TET2: variants seen among roughly 807,000 people sequenced by gnomAD.
TET2 encodes methylcytosine dioxygenase TET2.
In TET2, 299 loss-of-function variants were observed where a neutral mutation model predicts 142.9. The observed-to-expected ratio is 2.09, with a 90% confidence interval of 1.90 to 2.30. The LOEUF is 2.30. Ranked by LOEUF, TET2 falls within the 30% of genes most tolerant of loss-of-function variation. The pLI, the probability that TET2 is intolerant of heterozygous loss-of-function variation, is 0.00. For missense variants in TET2, 2,418 were observed against 2,378.0 expected (o/e 1.02, Z -0.35); for synonymous variants, 819 against 849.0 (o/e 0.96, Z 0.61).
At chr4:105,154,930 C>T (rs919324784) in intron 1 of TET2, among the ~76,000 whole-genome samples, 16 of 151,940 alleles carry the variant, frequency 1.1e-4, no homozygotes, top group East Asian at 3.9e-4. Flanking sequence ...GGGGCTGAGG[C>T]GGGAGGATGG....
intron 1 of TET2, among the ~76,000 whole-genome samples, chr4:105,187,433 T>C (rs1725522994): frequency 1.3e-5 from 2 of 152,162 alleles, no homozygotes; most frequent in Non-Finnish European, 2.9e-5. Flanking sequence ...AAATAGCCTA[T>C]TGACTCCAAC....
Position 105,236,535 on chromosome 4 carries a change from A to G in TET2, c.2593A>G (p.Met865Val), listed in dbSNP as rs763872760. 2.0e-5 allele frequency: 33 copies of G among 1,614,170 alleles called. No homozygotes were observed. The highest frequency in any genetic ancestry group is 2.6e-5 in the Non-Finnish European group (31 of 1,180,012). The change falls in exon 3 of 11, where the codon ATG becomes GTG. Residue 865 changes from methionine to valine, a missense_variant. Physicochemically the swap from Met to Val is conservative, Grantham distance 21. Coordinates refer to ENST00000380013, the MANE Select transcript of TET2 (RefSeq NM_001127208.3). Reference protein sequence around the residue: ...AGNKTQNLHHMQYFPNNVIPK... With the variant: ...AGNKTQNLHHVQYFPNNVIPK... ...AAACAAGACCCAAAACTTGCATCAC[A>G]TGCAATATTTTCCAAATAATGTGAT...
chr4:105,176,429 A>G (rs1015204252), intron 1 of TET2, among the ~76,000 whole-genome samples: 2 of 152,166 alleles, frequency 1.3e-5, no homozygotes, highest in Non-Finnish European at 2.9e-5. Flanking sequence ...CTAATAAATG[A>G]TTATTGTAAG....
At chr4:105,272,039 A>G (rs965783284) in intron 9 of TET2, among the ~76,000 whole-genome samples, 5 of 152,158 alleles carry the variant, frequency 3.3e-5, no homozygotes, top group African/African-American at 1.2e-4. Context: ...TACTTCAGTT[A>G]TCTTATGGAA....
At chr4:105,228,413 A>G (rs752984885) in intron 2 of TET2, among the ~76,000 whole-genome samples, 4 of 152,124 alleles carry the variant, frequency 2.6e-5, no homozygotes, top group Non-Finnish European at 5.9e-5. Flanking sequence ...ATTGTGTTTA[A>G]AACTCCATAT....
At chr4:105,173,630 G>A (rs773479879) in intron 1 of TET2, among the ~76,000 whole-genome samples, 2 of 152,110 alleles carry the variant, frequency 1.3e-5, no homozygotes, top group East Asian at 1.9e-4. Flanking sequence ...TTTTGAAAAT[G>A]ACATAATTTG....
chr4:105,240,910 G>T (rs1304134788), intron 3 of TET2: 3 of 1,080,812 alleles, frequency 2.8e-6, no homozygotes, highest in Non-Finnish European at 3.4e-6. Context: ...ATATTCTGGG[G>T]GTGGGATAGA....
intron 2 of TET2, among the ~76,000 whole-genome samples, chr4:105,196,540 C>T (rs1371931036): frequency 2.0e-5 from 3 of 152,188 alleles, no homozygotes; most frequent in African/African-American, 7.2e-5. Flanking sequence ...CCTGGTTACT[C>T]TTCAAATTCC....
chr4:105,189,901 A>T (rs948319367), intron 1 of TET2, among the ~76,000 whole-genome samples: 4 of 152,204 alleles, frequency 2.6e-5, no homozygotes, highest in African/African-American at 9.6e-5. Flanking sequence ...GCCACATCTC[A>T]TGAAGTACAG....
In TET2 at chr4:105,234,993, G is replaced by T. The variant is rs1728754347; in HGVS notation, c.1051G>T (p.Glu351Ter). The T allele has an allele frequency of 6.2e-7, 1 of 1,614,072 alleles. No homozygotes were observed. The highest frequency in any genetic ancestry group is 8.5e-7 in the Non-Finnish European group (1 of 1,179,998). ...QGTTKLASGE[E>*]FCSGSSSNLQ... is the part of the protein sequence containing the mutation. ...AACCACAAAGCTAGCGTCTGGTGAA[G>T]AATTCTGTTCAGGTTCCAGCAGCAA... The change falls in exon 3 of 11, where the codon GAA becomes TAA. Residue 351 changes from glutamate to a stop codon, truncating the protein, a stop_gained. Coordinates refer to ENST00000380013, the MANE Select transcript of TET2 (RefSeq NM_001127208.3). LOFTEE classifies it high-confidence loss of function.
chr4:105,209,231 C>CT (rs998873033), intron 2 of TET2, among the ~76,000 whole-genome samples: 8 of 151,108 alleles, frequency 5.3e-5, no homozygotes, highest in Non-Finnish European at 1.2e-4. Context: ...AAGTTTGAGT[C>CT]TGATTAATAA....
intron 2 of TET2, among the ~76,000 whole-genome samples, chr4:105,209,091 ATATATATG>A: frequency 8.7e-6 from 1 of 114,482 alleles, no homozygotes; most frequent in African/African-American, 3.8e-5. Flanking sequence ...ATATATATAT[ATATATATG>A]TTTGAGCGAG....
chr4:105,172,475 G>T (rs910984206), intron 1 of TET2: 1 of 152,168 alleles, frequency 6.6e-6, no homozygotes, highest in Admixed American at 6.5e-5. Context: ...TCTTCACCTT[G>T]AGTATGCTGA....
intron 2 of TET2, among the ~76,000 whole-genome samples, chr4:105,193,622 A>C (rs1016469663): frequency 1.3e-5 from 2 of 152,170 alleles, no homozygotes; most frequent in African/African-American, 4.8e-5. Context: ...AGGAAAAATC[A>C]TGAGGATTTA....
At chr4:105,240,112 A>C in intron 3 of TET2, 1 of 233,404 alleles carries the variant, frequency 4.3e-6, no homozygotes, top group Non-Finnish European at 9.2e-6. Context: ...CTGATCACAG[A>C]TCGCCATAAC....
At chr4:105,251,015 T>C (rs560630626) in intron 6 of TET2, among the ~76,000 whole-genome samples, 1 of 152,328 alleles carries the variant, frequency 6.6e-6, no homozygotes, top group South Asian at 2.1e-4. Flanking sequence ...TATGTATTTT[T>C]TTTATCCTAT....
intron 3 of TET2, chr4:105,239,084 T>TTTTTTTTTTG (rs1560550074): frequency 3.2e-4 from 72 of 221,634 alleles, no homozygotes; most frequent in Non-Finnish European, 3.9e-4. Flanking sequence ...GTTTTTTTTT[T>TTTTTTTTTTG]TTGTTTTTTA....
intron 1 of TET2, among the ~76,000 whole-genome samples, chr4:105,150,556 G>A (rs568091791): frequency 2.1e-4 from 32 of 152,310 alleles, no homozygotes; most frequent in African/African-American, 7.2e-4. Flanking sequence ...CTTAAGGATA[G>A]TAATGGTACC....
chr4:105,274,498 G>A (rs191222644), intron 10 of TET2, among the ~76,000 whole-genome samples: 3 of 151,704 alleles, frequency 2.0e-5, no homozygotes, highest in African/African-American at 7.3e-5. Context: ...TAATTATTTA[G>A]CAAATTCCAT....
Sources: gnomAD v4.1 joint callset for allele counts (sites outside exome capture counted in the v4.1 genomes callset) on GRCh38, gnomAD v4.1.1 for gene constraint, MANE v1.5 for transcripts, NCBI Gene and HGNC (gene_info 2026-07-23, HGNC 2026-07-21) for gene names.